Variants in KIAA0825 observed in about 807,000 individuals in gnomAD.
KIAA0825 encodes the protein uncharacterized protein KIAA0825.
Under a neutral mutation model 147.6 loss-of-function variants are expected in KIAA0825, and 119 were observed. That is an observed-to-expected ratio of 0.81 (90% CI 0.69 to 0.94). KIAA0825 has a LOEUF of 0.94. Among genes scored for constraint, KIAA0825 ranks in the 40% least tolerant of loss-of-function variants. The probability of loss-of-function intolerance (pLI) is 0.00; values close to 1 mark genes in which losing one functional copy is unlikely to be tolerated. For synonymous variants in KIAA0825, 470 were observed against 518.1 expected, an observed-to-expected ratio of 0.91 and a Z score of 1.26; for missense variants, 1,381 against 1,472.7, an observed-to-expected ratio of 0.94 and a Z score of 1.02.
chr5:94,407,585 G>A (rs942501896), intron 15 of KIAA0825, among the ~76,000 whole-genome samples: 4 of 152,044 alleles, frequency 2.6e-5, no homozygotes, highest in African/African-American at 4.8e-5. Context: ...GAAAGAAACC[G>A]GACACAAAAT....
At chr5:94,376,779 GA>G (rs1554267005) in intron 20 of KIAA0825, among the ~76,000 whole-genome samples, 2 of 152,250 alleles carry the variant, frequency 1.3e-5, no homozygotes, top group South Asian at 2.1e-4. Flanking sequence ...ACAGGAGCAT[GA>G]AAAAACCCAC....
rs140699992 is a variant in KIAA0825, at chr5:94,432,311, T to C, written c.2497+7671A>G. Among the ~76,000 whole-genome samples the C allele has an allele frequency of 6.2e-4, 94 of 152,210 alleles. 1 individual carries two copies. The East Asian group carries it at 0.015, about 25-fold the overall frequency. On this transcript the variant is annotated intron_variant, in intron 14 of 20. Transcript: ENST00000682413. ...CCACCCATGACCTACTGAATCAGAA[T>C]CTACAGTTTTAACCAGATCCCCAGG...
chr5:94,460,838 G>A (rs941809831), intron 12 of KIAA0825, among the ~76,000 whole-genome samples: 13 of 151,924 alleles, frequency 8.6e-5, no homozygotes, highest in Admixed American at 7.9e-4. Context: ...TGACATTTAA[G>A]TAAACATAAA....
At chr5:94,429,176 G>A (rs544092028) in intron 14 of KIAA0825, among the ~76,000 whole-genome samples, 11 of 152,090 alleles carry the variant, frequency 7.2e-5, no homozygotes, top group South Asian at 2.1e-4. Flanking sequence ...CTTTCAATTC[G>A]TTCTTCTGTC....
chr5:94,368,950 T>G (rs1746267702), intron 20 of KIAA0825, among the ~76,000 whole-genome samples: 1 of 152,076 alleles, frequency 6.6e-6, no homozygotes, highest in South Asian at 2.1e-4. Flanking sequence ...AGCAGACTGC[T>G]TGAGCCCAGG....
intron 3 of KIAA0825, among the ~76,000 whole-genome samples, chr5:94,531,929 TTG>T (rs754794025): frequency 6.6e-5 from 10 of 151,704 alleles, no homozygotes; most frequent in South Asian, 2.1e-4. Context: ...ATATTAATAT[TTG>T]TGTGTGTGTG....
intron 18 of KIAA0825, 78 bp downstream of exon 18, chr5:94,391,457 A>T (rs1246059511): frequency 1.9e-5 from 27 of 1,421,724 alleles, no homozygotes; most frequent in Non-Finnish European, 2.2e-5. Flanking sequence ...CACCTCCTTG[A>T]CTAACCCTTA....
chr5:94,248,399 T>C (rs996378618), intron 20 of KIAA0825, among the ~76,000 whole-genome samples: 7 of 152,100 alleles, frequency 4.6e-5, no homozygotes, highest in African/African-American at 1.7e-4. Flanking sequence ...CATAATTCAT[T>C]GTACTTAGTA....
At chr5:94,215,314 GGCAGGTACGTT>G (rs1402613957) in intron 20 of KIAA0825, among the ~76,000 whole-genome samples, 4 of 152,166 alleles carry the variant, frequency 2.6e-5, no homozygotes, top group Non-Finnish European at 4.4e-5. Flanking sequence ...ATGTCCATCT[GGCAGGTACGTT>G]GCACATAGGC....
intron 5 of KIAA0825, among the ~76,000 whole-genome samples, chr5:94,501,372 G>A (rs1765067717): frequency 6.6e-6 from 1 of 152,202 alleles, no homozygotes; most frequent in Non-Finnish European, 1.5e-5. Context: ...TAGATGCTAT[G>A]AGGAAGGTTT....
Position 94,483,933 on chromosome 5 carries a change from A to AAT in KIAA0825, c.1132+834_1132+835dup, listed in dbSNP as rs148938310. ...TTCACTTTTTTTTGCAGATGCAGCA[A>AAT]ATATATATATATATATTTACACTCC... On this transcript the variant is annotated intron_variant, in intron 6 of 20. Coordinates refer to ENST00000682413, the MANE Select transcript of KIAA0825 (RefSeq NM_001145678.3). 4.0e-3 allele frequency among the ~76,000 whole-genome samples: 596 copies of AAT among 149,516 alleles called. 2 individuals carry two copies. The highest frequency in any genetic ancestry group is 0.011 in the African/African-American group (433 of 41,066).
At chr5:94,519,387 A>G (rs1767749093) in intron 5 of KIAA0825, 4 of 900,202 alleles carry the variant, frequency 4.4e-6, no homozygotes, top group African/African-American at 1.8e-5. Context: ...GATTTTATAT[A>G]AAAGCATAAC....
chr5:94,539,169 C>T (rs1212393078), intron 2 of KIAA0825, among the ~76,000 whole-genome samples: 1 of 152,182 alleles, frequency 6.6e-6, no homozygotes, highest in Non-Finnish European at 1.5e-5. Flanking sequence ...GCTACACTCC[C>T]ACTATGCCAT....
At chr5:94,248,428 A>G (rs1050264305) in intron 20 of KIAA0825, among the ~76,000 whole-genome samples, 1 of 152,158 alleles carries the variant, frequency 6.6e-6, no homozygotes, top group African/African-American at 2.4e-5. Flanking sequence ...GCAAATTATC[A>G]TGGTCATCAA....
chr5:94,403,404 A>G (rs756820679), intron 16 of KIAA0825, among the ~76,000 whole-genome samples, 165 bp downstream of exon 16: 4 of 152,160 alleles, frequency 2.6e-5, no homozygotes, highest in Non-Finnish European at 4.4e-5. Context: ...TTCCTTGATC[A>G]TGTGGTTCAT....
intron 5 of KIAA0825, among the ~76,000 whole-genome samples, chr5:94,491,439 C>T (rs1208173736): frequency 6.6e-6 from 1 of 152,138 alleles, no homozygotes; most frequent in African/African-American, 2.4e-5. Context: ...CCAGAGCCCA[C>T]TAAATGGATA....
At chr5:94,399,694 G>A (rs190614729) in intron 16 of KIAA0825, among the ~76,000 whole-genome samples, 1 of 151,952 alleles carries the variant, frequency 6.6e-6, no homozygotes, top group African/African-American at 2.4e-5. Flanking sequence ...TCCAATTTTA[G>A]AGCTGATAAA....
chr5:94,190,906 C>T (rs992442916), intron 20 of KIAA0825, among the ~76,000 whole-genome samples: 1 of 151,980 alleles, frequency 6.6e-6, no homozygotes, highest in African/African-American at 2.4e-5. Flanking sequence ...AAAAAATCAG[C>T]AGAAAAACAC....
intron 12 of KIAA0825, 89 bp from the exon 13 acceptor site, chr5:94,453,158 G>T: frequency 1.4e-6 from 1 of 706,938 alleles, no homozygotes; most frequent in Non-Finnish European, 2.3e-6. Flanking sequence ...TTAGGATTCA[G>T]TTAATGATTT....
Sources: gnomAD v4.1 joint callset for allele counts (sites outside exome capture counted in the v4.1 genomes callset) on GRCh38, gnomAD v4.1.1 for gene constraint, MANE v1.5 for transcripts, NCBI Gene and HGNC (gene_info 2026-07-23, HGNC 2026-07-21) for gene names.